Variants in SLC19A2 observed in about 807,000 individuals in gnomAD.
SLC19A2 encodes the protein solute carrier family 19 member 2.
Under a neutral mutation model 44.7 loss-of-function variants are expected in SLC19A2, and 27 were observed. The ratio of observed to expected loss-of-function variants is 0.60; its 90% CI spans 0.45 to 0.83. The LOEUF is 0.83. SLC19A2 is among the 40% of genes least tolerant of loss of function. The probability of loss-of-function intolerance (pLI) is 0.00; values close to 1 mark genes in which losing one functional copy is unlikely to be tolerated. For missense variants in SLC19A2, 566 were observed against 613.7 expected, an observed-to-expected ratio of 0.92 and a Z score of 0.82; for synonymous variants, 239 against 243.6, an observed-to-expected ratio of 0.98 and a Z score of 0.18.
intron 2 of SLC19A2, among the ~76,000 whole-genome samples, chr1:169,476,942 C>T (rs570532855): frequency 2.1e-4 from 32 of 152,110 alleles, no homozygotes; most frequent in Non-Finnish European, 3.8e-4. Flanking sequence ...TTGGAGGTCA[C>T]GCACTCCAGG....
At chr1:169,482,036 T>A (rs1276709580) in intron 1 of SLC19A2, among the ~76,000 whole-genome samples, 1 of 151,090 alleles carries the variant, frequency 6.6e-6, no homozygotes, top group Non-Finnish European at 1.5e-5. Context: ...CCATCTCTAC[T>A]AAAAATACAA....
At chr1:169,484,432 A>G (rs547724810) in intron 1 of SLC19A2, among the ~76,000 whole-genome samples, 1 of 152,266 alleles carries the variant, frequency 6.6e-6, no homozygotes, top group Admixed American at 6.5e-5. Context: ...AGTATTTTAC[A>G]GCACCTGGGG....
Position 169,483,073 on chromosome 1 carries a change from A to C in SLC19A2, c.204+2490T>G, listed in dbSNP as rs555954601. Reference sequence around the variant, plus strand: ...ATACAGTCAAATTTTAGCCTGCTTAAAACTTACACACTGGTATCTGTTTTA... The same window carrying C: ...ATACAGTCAAATTTTAGCCTGCTTACAACTTACACACTGGTATCTGTTTTA... On this transcript the variant is annotated intron_variant, in intron 1 of 5. Transcript: ENST00000236137. 1.4e-4 allele frequency among the ~76,000 whole-genome samples: 21 copies of C among 152,342 alleles called. No homozygotes were observed. In the South Asian group the frequency reaches 4.1e-3, roughly 30 times the overall value.
rs772886076 is a variant in SLC19A2 at position 169,485,778 on chromosome 1, G to C, written c.-12C>G. 92 of 1,526,898 alleles carry C rather than the reference G, an allele frequency of 6.0e-5. No individual in the cohort carries two copies. The Middle Eastern group carries it at 1.8e-3, about 30-fold the overall frequency. 94.6% of individuals were successfully genotyped at this position (1,526,898 alleles called of 1,614,324 possible). A position where few individuals can be genotyped will look rare whatever the true frequency, so the allele number is the denominator to read the frequency against. On this transcript the variant is annotated 5_prime_UTR_variant, in exon 1 of 6. Transcript: ENST00000236137. ...CCGGGCACATCCATCCGGGGCGCGAGGGGAGGGGACCCGGCCCGGCCCCTT... is the reference window on the plus strand; with the variant it reads ...CCGGGCACATCCATCCGGGGCGCGACGGGAGGGGACCCGGCCCGGCCCCTT...
chr1:169,467,871 C>T (rs1284547731), intron 5 of SLC19A2, among the ~76,000 whole-genome samples: 2 of 152,204 alleles, frequency 1.3e-5, no homozygotes, highest in Admixed American at 1.3e-4. Flanking sequence ...TCAGCTGAAA[C>T]AGCCCCATTG....
At position 169,485,895 on chromosome 1, in the gene SLC19A2, G is replaced by A; in HGVS notation, c.-129C>T. 9.1e-7 allele frequency: 1 copy of A among 1,099,608 alleles called. No homozygotes were observed. The highest frequency in any genetic ancestry group is 1.3e-6 in the Non-Finnish European group (1 of 792,190). 68.1% of individuals were successfully genotyped at this position (1,099,608 alleles called of 1,614,324 possible). A position where few individuals can be genotyped will look rare whatever the true frequency, so the allele number is the denominator to read the frequency against. On this transcript the variant is annotated 5_prime_UTR_variant, in exon 1 of 6. Coordinates refer to ENST00000236137, the MANE Select transcript of SLC19A2 (RefSeq NM_006996.3). ...TGTAAGGCCAGGACGTTCTGGACTC[G>A]CCGCCGCCTCCGGCTACAGAACCCC... is the stretch of plus-strand genomic sequence containing the variant.
At chr1:169,485,475 G>C (rs999809738) in intron 1 of SLC19A2, 88 bp downstream of exon 1, 90 of 1,392,532 alleles carry the variant, frequency 6.5e-5, no homozygotes, top group Admixed American at 1.6e-4. Context: ...AGAATGGCTC[G>C]AGCGCTTTTC....
Position 169,470,091 on chromosome 1 carries a change from C to G in SLC19A2, c.903G>C (p.Trp301Cys). 1 of 1,614,030 alleles carries G rather than the reference C, an allele frequency of 6.2e-7. No homozygotes were observed. The highest frequency in any genetic ancestry group is 8.5e-7 in the Non-Finnish European group (1 of 1,179,976). The change falls in exon 3 of 6, where the codon TGG becomes TGC. Residue 301 changes from tryptophan (W) to cysteine (C), a missense_variant. By Grantham distance (215) the Trp-to-Cys change is radical (BLOSUM62 -2). Transcript: ENST00000236137. ...AATAGCCACAGGTAGAGAGGGCCCA[C>G]CACACAGACCAGCAGAGAAGAGGGC... is the stretch of plus-strand genomic sequence containing the variant. ...SSRPLLCWSV[W>C]WALSTCGYFQ...
chr1:169,485,310 A>C (rs976067506), intron 1 of SLC19A2, among the ~76,000 whole-genome samples: 2 of 152,226 alleles, frequency 1.3e-5, no homozygotes, highest in African/African-American at 4.8e-5. Flanking sequence ...CACGATCAGC[A>C]TACTGCCTGA....
rs185168655 is a variant in SLC19A2, at chr1:169,475,025, T to G, written c.807+2130A>C. 5.3e-5 allele frequency among the ~76,000 whole-genome samples: 8 copies of G among 152,272 alleles called. No homozygotes were observed. The East Asian group carries it at 1.6e-3, about 30-fold the overall frequency. ...GTATATTTGTACAATTCTGCATAAG[T>G]TGCTAATCTCTGATCCTAATCCTTA... On this transcript the variant is annotated intron_variant, in intron 2 of 5. Coordinates refer to ENST00000236137, the MANE Select transcript of SLC19A2 (RefSeq NM_006996.3).
intron 1 of SLC19A2, among the ~76,000 whole-genome samples, chr1:169,485,036 A>G (rs1395856026): frequency 6.6e-6 from 1 of 152,216 alleles, no homozygotes. Context: ...GATGTTCTGT[A>G]CTTCTGTCCT....
chr1:169,473,409 AT>A (rs34688678), intron 2 of SLC19A2, among the ~76,000 whole-genome samples: 56,371 of 138,524 alleles, frequency 0.41, 11,257 homozygotes, highest in African/African-American at 0.51. Context: ...TAGTTTTTGT[AT>A]TTTTTTTTTT....
At position 169,485,717 on chromosome 1, in the gene SLC19A2, G is replaced by A. The variant is rs779963318; in HGVS notation, c.50C>T (p.Thr17Ile). 5 of 1,538,824 alleles carry A rather than the reference G, an allele frequency of 3.2e-6. No homozygotes were observed. The highest frequency in any genetic ancestry group is 2.7e-5 in the African/African-American group (2 of 73,022). The change falls in exon 1 of 6, where the codon ACT becomes ATT. Residue 17 changes from threonine (T) to isoleucine (I), a missense_variant. Coordinates refer to ENST00000236137, the MANE Select transcript of SLC19A2 (RefSeq NM_006996.3). ...VSRRAAAAAA[T>I]VLLRTARVRR... Reference sequence around the variant, plus strand: ...GACCCGAGCGGTCCGCAGGAGCACAGTGGCCGCCGCCGCCGCCGCCCGCCG... The same window carrying A: ...GACCCGAGCGGTCCGCAGGAGCACAATGGCCGCCGCCGCCGCCGCCCGCCG...
intron 5 of SLC19A2, among the ~76,000 whole-genome samples, chr1:169,467,625 T>C (rs1425990549): frequency 6.6e-6 from 1 of 152,186 alleles, no homozygotes; most frequent in East Asian, 1.9e-4. Context: ...TTGGTGCAAG[T>C]TTCTCAATAG....
chr1:169,474,050 T>C (rs1461146534), intron 2 of SLC19A2: 1 of 152,200 alleles, frequency 6.6e-6, no homozygotes, highest in Non-Finnish European at 1.5e-5. Context: ...GACTTCACTT[T>C]CTTAAAAACT....
chr1:169,475,368 C>T (rs1658281984), intron 2 of SLC19A2, among the ~76,000 whole-genome samples: 1 of 151,900 alleles, frequency 6.6e-6, no homozygotes, highest in Admixed American at 6.6e-5. Context: ...TATATACATA[C>T]CTATGTATGT....
chr1:169,472,672 G>A (rs568794477), intron 2 of SLC19A2, among the ~76,000 whole-genome samples: 37 of 152,258 alleles, frequency 2.4e-4, no homozygotes, highest in Middle Eastern at 3.4e-3. Context: ...CACACACAGA[G>A]GTTAATAACT....
At position 169,477,570 on chromosome 1, in the gene SLC19A2, T is replaced by A. The variant is rs772592295; in HGVS notation, c.392A>T (p.Tyr131Phe). 1 of 1,613,848 alleles carries A rather than the reference T, an allele frequency of 6.2e-7. No homozygotes were observed. Among genetic ancestry groups the A allele is most frequent in the African/African-American group, 1.3e-5 (1 of 74,828 alleles). ...AATTTCAGTGGCTGTGGCGATGCCA[T>A]AAAAAAATTCTAGAAATTGAATGGC... ...LLAIQFLEFFYGIATATEIAY... is the reference protein window; with the variant it reads ...LLAIQFLEFFFGIATATEIAY... Residue 131 changes from tyrosine to phenylalanine, a missense_variant, in exon 2 of 6, where the codon TAT becomes TTT. Transcript: ENST00000236137.
At chr1:169,467,629 T>C (rs1180931370) in intron 5 of SLC19A2, among the ~76,000 whole-genome samples, 1 of 152,202 alleles carries the variant, frequency 6.6e-6, no homozygotes, top group Non-Finnish European at 1.5e-5. Flanking sequence ...TGCAAGTTTC[T>C]CAATAGTCAT....
Sources: gnomAD v4.1 joint callset for allele counts (sites outside exome capture counted in the v4.1 genomes callset) on GRCh38, gnomAD v4.1.1 for gene constraint, MANE v1.5 for transcripts, NCBI Gene and HGNC (gene_info 2026-07-23, HGNC 2026-07-21) for gene names.